The following TG variants were observed in gnomAD, a reference collection of about 807,000 sequenced individuals.
TG encodes thyroid hormones.
In TG, 270 loss-of-function variants were observed where a neutral mutation model predicts 324.7. That is an observed-to-expected ratio of 0.83 (90% CI 0.75 to 0.92). The LOEUF (loss-of-function observed/expected upper bound fraction) is 0.92. Ranked by LOEUF, TG falls within the 40% of genes least tolerant of loss-of-function variation. TG has a pLI of 0.00. For missense variants in TG, 3,591 were observed against 3,456.4 expected (o/e 1.04, Z -0.98); for synonymous variants, 1,401 against 1,327.0 (o/e 1.06, Z -1.21).
intron 35 of TG, among the ~76,000 whole-genome samples, chr8:132,998,320 G>A (rs1321666818): frequency 2.0e-5 from 3 of 152,172 alleles, no homozygotes; most frequent in African/African-American, 4.8e-5. Context: ...CTGAGAGAGC[G>A]GCAAGCACTG....
intron 35 of TG, among the ~76,000 whole-genome samples, chr8:133,009,093 T>C (rs1834270575): frequency 6.6e-6 from 1 of 152,220 alleles, no homozygotes; most frequent in African/African-American, 2.4e-5. Flanking sequence ...TGGTTTTCAC[T>C]TGGAGATGAA....
rs573984617 is a variant in TG at position 133,119,800 on chromosome 8, G to A, written c.7862+3084G>A. On this transcript the variant is annotated intron_variant, in intron 45 of 47. Coordinates refer to ENST00000220616, the MANE Select transcript of TG (RefSeq NM_003235.5). ...GGTTAGTTAGCAGTAACCCACCCGCGGCTTCTCTGAGCCTCAGAACTCTTT... is the reference window on the plus strand; with the variant it reads ...GGTTAGTTAGCAGTAACCCACCCGCAGCTTCTCTGAGCCTCAGAACTCTTT... Among the ~76,000 whole-genome samples, 28 of 152,274 alleles carry A rather than the reference G, an allele frequency of 1.8e-4. 1 individual carries two copies. In the Middle Eastern group the frequency reaches 0.014, roughly 74 times the overall value.
intron 5 of TG, among the ~76,000 whole-genome samples, chr8:132,874,399 TC>T (rs1228566201): frequency 6.6e-6 from 1 of 152,248 alleles, no homozygotes; most frequent in Non-Finnish European, 1.5e-5. Flanking sequence ...CTTCTGGTCA[TC>T]CACACTGGCC....
rs145475805 is a variant in TG, at chr8:132,887,509, A to G, written c.2137A>G (p.Ile713Val). The G allele has an allele frequency of 5.5e-5, 88 of 1,614,224 alleles. No homozygotes were observed. In the African/African-American group the frequency reaches 9.3e-4, roughly 17 times the overall value. The change falls in exon 9 of 48, where the codon ATT (isoleucine) becomes GTT (valine). Residue 713 changes from isoleucine to valine, a missense_variant. By Grantham distance (29) the Ile-to-Val change is conservative. Coordinates refer to ENST00000220616, the MANE Select transcript of TG (RefSeq NM_003235.5). ...CYCVDAEGQA[I>V]PGTRSAIGKP... ...CTGTGTTGATGCTGAGGGTCAGGCC[A>G]TTCCTGGAACTCGAAGTGCAATAGG...
chr8:133,071,911 G>C (rs145594245), intron 41 of TG, among the ~76,000 whole-genome samples: 1 of 152,148 alleles, frequency 6.6e-6, no homozygotes, highest in Non-Finnish European at 1.5e-5. Flanking sequence ...TGATCTAGCC[G>C]GTGTCTGGCA....
intron 23 of TG, among the ~76,000 whole-genome samples, chr8:132,929,933 C>T (rs1040133400): frequency 1.3e-5 from 2 of 152,116 alleles, no homozygotes; most frequent in Admixed American, 6.6e-5. Flanking sequence ...GCTTGGGGTA[C>T]GATTGAGTCC....
chr8:132,972,590 C>A lies in TG; in HGVS notation c.6056-8C>A. 7.2e-7 allele frequency: 1 copy of A among 1,397,220 alleles called. No individual in the cohort carries two copies. Among genetic ancestry groups the A allele is most frequent in the Non-Finnish European group, 9.8e-7 (1 of 1,024,386 alleles). The allele number at this position is 1,397,220 out of a possible 1,614,324, so 86.6% of individuals were successfully genotyped here. ...TGTGGTTTTTTGTTTTTTTTTTTTC[C>A]ACCCCAGGAGGAGAGGTGACATGTC... is the stretch of plus-strand genomic sequence containing the variant. On this transcript the variant is annotated splice_polypyrimidine_tract_variant and splice_region_variant and intron_variant, in intron 33 of 47. Transcript: ENST00000220616.
intron 11 of TG, among the ~76,000 whole-genome samples, chr8:132,894,982 T>C (rs1816894059): frequency 6.6e-6 from 1 of 152,194 alleles, no homozygotes; most frequent in Admixed American, 6.5e-5. Context: ...AGAGACCTGG[T>C]CCTCCAGTTC....
intron 24 of TG, among the ~76,000 whole-genome samples, chr8:132,934,471 A>AT (rs1297749416): frequency 2.0e-5 from 3 of 152,224 alleles, no homozygotes; most frequent in African/African-American, 7.2e-5. Context: ...TCAAATTAGG[A>AT]TAATTAGACC....
chr8:132,967,875 C>G lies in TG; in HGVS notation c.5768C>G (p.Pro1923Arg). 1 of 1,614,000 alleles carries G rather than the reference C, an allele frequency of 6.2e-7. No homozygotes were observed. The highest frequency in any genetic ancestry group is 8.5e-7 in the Non-Finnish European group (1 of 1,179,932). ...TTGTACTTCACCTGCACCCTCTACC[C>G]AGAGGCACAGGTGTGTGATGACATC... Reference protein sequence around the residue: ...ASLYFTCTLYPEAQVCDDIME... With the variant: ...ASLYFTCTLYREAQVCDDIME... Residue 1923 changes from proline to arginine, a missense_variant, in exon 31 of 48, where the codon CCA becomes CGA. Transcript: ENST00000220616.
In TG at chr8:132,882,482, A is replaced by C. The variant is rs1204964703; in HGVS notation, c.759A>C (p.Leu253Phe). 1.2e-6 allele frequency: 2 copies of C among 1,614,042 alleles called. No homozygotes were observed. Among genetic ancestry groups the C allele is most frequent in the Non-Finnish European group, 1.7e-6 (2 of 1,180,008 alleles). ...RELAETGLEL[L>F]LDEIYDTIFA... ...GTCTTTGCTCAGGTTTGGAGTTGTT[A>C]CTGGATGAAATTTATGACACCATTT... The change falls in exon 7 of 48, where the codon TTA (leucine) becomes TTC (phenylalanine). Residue 253 changes from leucine (L) to phenylalanine (F), a missense_variant. Leu to Phe is a conservative substitution (Grantham distance 22). Coordinates refer to ENST00000220616, the MANE Select transcript of TG (RefSeq NM_003235.5).
At chr8:132,877,671 G>A (rs536611463) in intron 5 of TG, among the ~76,000 whole-genome samples, 2 of 152,154 alleles carry the variant, frequency 1.3e-5, no homozygotes, top group Admixed American at 6.5e-5. Context: ...TAGGTTGGCT[G>A]TAATCTGAGC....
chr8:132,978,277 T>G (rs961162532), intron 34 of TG, among the ~76,000 whole-genome samples: 1 of 152,118 alleles, frequency 6.6e-6, no homozygotes, highest in Non-Finnish European at 1.5e-5. Flanking sequence ...ACACTACTTC[T>G]TGTGTGAACT....
chr8:132,983,670 T>C, intron 35 of TG: 1 of 568,466 alleles, frequency 1.8e-6, no homozygotes, highest in South Asian at 2.0e-5. Context: ...AAGACCTAAG[T>C]CGCGTTCTCC....
chr8:132,904,832 G>A (rs1278830057), intron 16 of TG, among the ~76,000 whole-genome samples: 2 of 152,182 alleles, frequency 1.3e-5, no homozygotes, highest in Admixed American at 6.5e-5. Flanking sequence ...GAAATGGGAA[G>A]GATGCTTACA....
chr8:133,089,572 A>G (rs1301025300), intron 41 of TG, among the ~76,000 whole-genome samples: 1 of 152,176 alleles, frequency 6.6e-6, no homozygotes. Context: ...CTGGGATTTA[A>G]TGACCTCTGA....
rs765018217 is a variant in TG at position 132,871,560 on chromosome 8, C to T, written c.478+9C>T. On this transcript the variant is annotated intron_variant, in intron 4 of 47. Coordinates refer to ENST00000220616, the MANE Select transcript of TG (RefSeq NM_003235.5). Reference sequence around the variant, plus strand: ...GGGGAGGCCAAAGCGATGTGAGTTTCACTGAGCGCCTGCACCCCTAGAGCT... The same window carrying T: ...GGGGAGGCCAAAGCGATGTGAGTTTTACTGAGCGCCTGCACCCCTAGAGCT... 1.2e-6 allele frequency: 2 copies of T among 1,612,190 alleles called. No homozygotes were observed. The highest frequency in any genetic ancestry group is 2.2e-5 in the East Asian group (1 of 44,840).
intron 21 of TG, among the ~76,000 whole-genome samples, chr8:132,920,291 G>T (rs1280426129): frequency 6.6e-6 from 1 of 152,076 alleles, no homozygotes; most frequent in Non-Finnish European, 1.5e-5. Flanking sequence ...ATCTCTTCTT[G>T]TTAGTCTGAA....
chr8:132,898,073 C>A, intron 12 of TG, 96 bp from the exon 13 acceptor site: 1 of 1,224,598 alleles, frequency 8.2e-7, no homozygotes, highest in Non-Finnish European at 1.2e-6. Context: ...ACCAGGCTTG[C>A]ACTGCTATGA....
Sources: allele counts gnomAD v4.1 joint callset (sites outside exome capture counted in the v4.1 genomes callset), GRCh38; gene constraint gnomAD v4.1.1; transcripts MANE v1.5; gene names NCBI Gene and HGNC (gene_info 2026-07-23, HGNC 2026-07-21).